Variants in FAM117B observed in about 807,000 individuals in gnomAD.
The protein encoded by FAM117B is protein FAM117B.
A neutral mutation model predicts 52.8 loss-of-function variants in FAM117B; 22 were observed. The observed-to-expected ratio is 0.42, with a 90% CI of 0.30 to 0.59. FAM117B has a LOEUF of 0.59. Among genes scored for constraint, FAM117B ranks in the 20% least tolerant of loss-of-function variants. FAM117B has a pLI of 0.22. For synonymous variants in FAM117B, 309 were observed against 324.1 expected (o/e 0.95, Z 0.50); for missense variants, 678 against 802.6 (o/e 0.84, Z 1.88).
At chr2:202,644,064 G>GTTTTTTTTTT (rs1161026426) in intron 1 of FAM117B, among the ~76,000 whole-genome samples, 78 of 95,158 alleles carry the variant, frequency 8.2e-4, no homozygotes, top group African/African-American at 1.0e-3. Context: ...TTTTTTTTTT[G>GTTTTTTTTTT]TTTTTTTTTT....
At chr2:202,684,911 A>G (rs537212864) in intron 1 of FAM117B, among the ~76,000 whole-genome samples, 1 of 152,316 alleles carries the variant, frequency 6.6e-6, no homozygotes, top group East Asian at 1.9e-4. Context: ...ACTACCATAA[A>G]TAACGAGAAT....
intron 4 of FAM117B, among the ~76,000 whole-genome samples, chr2:202,735,748 G>A (rs1349697134): frequency 6.6e-6 from 1 of 152,062 alleles, no homozygotes; most frequent in African/African-American, 2.4e-5. Context: ...TAATTTTGAG[G>A]TAAGAATTTT....
chr2:202,695,948 T>C lies in FAM117B; in HGVS notation c.669T>C (p.Thr223=). ...SIIRRTSSLD[T]LAAPYLAGHW... is the part of the protein sequence containing the mutation. ...TCCGACGCACTTCCTCCCTGGATACTCTTGCTGCACCGTATCTTGCTGGAC... is the reference window on the plus strand; with the variant it reads ...TCCGACGCACTTCCTCCCTGGATACCCTTGCTGCACCGTATCTTGCTGGAC... The change falls in exon 2 of 8, where the codon ACT becomes ACC. Residue 223 remains threonine (T), a synonymous_variant. Coordinates refer to ENST00000392238, the MANE Select transcript of FAM117B (RefSeq NM_173511.4). 1.2e-6 allele frequency: 2 copies of C among 1,614,154 alleles called. No homozygotes were observed. Among genetic ancestry groups the C allele is most frequent in the Non-Finnish European group, 1.7e-6 (2 of 1,179,998 alleles).
chr2:202,729,552 C>A (rs1159706794), intron 4 of FAM117B, among the ~76,000 whole-genome samples: 1 of 152,162 alleles, frequency 6.6e-6, no homozygotes, highest in African/African-American at 2.4e-5. Flanking sequence ...GAAATATTGT[C>A]TGTCCTTACC....
intron 4 of FAM117B, among the ~76,000 whole-genome samples, chr2:202,755,012 C>T (rs1691781075): frequency 1.3e-5 from 2 of 150,824 alleles, no homozygotes; most frequent in African/African-American, 4.9e-5. Context: ...TGGTGGAAGG[C>T]AAAGGGGGAA....
chr2:202,673,484 G>T (rs904316185), intron 1 of FAM117B, among the ~76,000 whole-genome samples: 1 of 92,166 alleles, frequency 1.1e-5, no homozygotes, highest in South Asian at 3.7e-4. Context: ...GTCTTGCTCT[G>T]TCGTCCAGGC....
intron 2 of FAM117B, among the ~76,000 whole-genome samples, chr2:202,704,916 A>G (rs1216961555): frequency 2.0e-5 from 3 of 152,082 alleles, no homozygotes; most frequent in African/African-American, 7.2e-5. Context: ...TTTTGAAATA[A>G]TTATGTATTA....
At chr2:202,754,678 G>C (rs1187886425) in intron 4 of FAM117B, among the ~76,000 whole-genome samples, 2 of 151,822 alleles carry the variant, frequency 1.3e-5, no homozygotes, top group African/African-American at 4.8e-5. Flanking sequence ...CACAAGGTCA[G>C]GAGTTTGAGA....
intron 4 of FAM117B, among the ~76,000 whole-genome samples, chr2:202,739,632 T>A (rs1409585350): frequency 6.6e-6 from 1 of 151,996 alleles, no homozygotes; most frequent in Non-Finnish European, 1.5e-5. Context: ...ATATTTAAAA[T>A]TTTTTATAGA....
intron 4 of FAM117B, among the ~76,000 whole-genome samples, chr2:202,736,162 A>C (rs1308828424): frequency 6.6e-6 from 1 of 152,244 alleles, no homozygotes; most frequent in Non-Finnish European, 1.5e-5. Flanking sequence ...GCCCTACACT[A>C]AAATCTTGGG....
intron 5 of FAM117B, among the ~76,000 whole-genome samples, chr2:202,756,930 T>G (rs916148083): frequency 6.6e-6 from 1 of 152,126 alleles, no homozygotes; most frequent in Non-Finnish European, 1.5e-5. Flanking sequence ...AAAATAACCC[T>G]TAGCACACGA....
chr2:202,730,526 T>C (rs1206478585), intron 4 of FAM117B, among the ~76,000 whole-genome samples: 1 of 151,904 alleles, frequency 6.6e-6, no homozygotes, highest in Non-Finnish European at 1.5e-5. Flanking sequence ...AAAAATAAGC[T>C]AGGCGTGGTG....
intron 2 of FAM117B, among the ~76,000 whole-genome samples, chr2:202,718,177 G>A (rs1047059437): frequency 2.0e-5 from 3 of 151,532 alleles, no homozygotes; most frequent in African/African-American, 7.3e-5. Flanking sequence ...CACCCTTCAG[G>A]GCAGTGGTTT....
Position 202,769,095 on chromosome 2 carries a change from A to C in FAM117B, c.*3331A>C, listed in dbSNP as rs1332382142. 6.6e-6 allele frequency: 1 copy of C among 152,162 alleles called. No homozygotes were observed. The highest frequency in any genetic ancestry group is 1.5e-5 in the Non-Finnish European group (1 of 68,028). 9.4% of individuals were successfully genotyped at this position (152,162 alleles called of 1,614,324 possible). On this transcript the variant is annotated 3_prime_UTR_variant, in exon 8 of 8. Coordinates refer to ENST00000392238, the MANE Select transcript of FAM117B (RefSeq NM_173511.4). ...TTATTCAATTTGTTTTATATTTCTT[A>C]TACTTAATACTTATGACTACAGTCC... is the stretch of plus-strand genomic sequence containing the variant.
In FAM117B at chr2:202,635,064, C is replaced by T. The variant is rs911805646; in HGVS notation, c.-124C>T. On this transcript the variant is annotated 5_prime_UTR_variant, in exon 1 of 8. Transcript: ENST00000392238. ...GCCCCGGCCCGGTCTCCCCCTGCAC[C>T]CCGGAGTCCGGCTTCGTCACCCCGT... 1 of 1,207,098 alleles carries T rather than the reference C, an allele frequency of 8.3e-7. No homozygotes were observed. Among genetic ancestry groups the T allele is most frequent in the South Asian group, 3.1e-5 (1 of 31,848 alleles). 74.8% of individuals were successfully genotyped at this position (1,207,098 alleles called of 1,614,324 possible).
At chr2:202,751,600 A>G (rs1691722775) in intron 4 of FAM117B, among the ~76,000 whole-genome samples, 1 of 151,984 alleles carries the variant, frequency 6.6e-6, no homozygotes, top group Non-Finnish European at 1.5e-5. Flanking sequence ...AAACCTCATC[A>G]TCTCTACTAA....
intron 1 of FAM117B, among the ~76,000 whole-genome samples, chr2:202,674,019 C>T (rs564996138): frequency 6.6e-6 from 1 of 152,018 alleles, no homozygotes; most frequent in African/African-American, 2.4e-5. Context: ...AAATGTTCCT[C>T]CCTGCACCCC....
intron 4 of FAM117B, among the ~76,000 whole-genome samples, chr2:202,732,976 G>A (rs1176942083): frequency 1.3e-5 from 2 of 151,702 alleles, no homozygotes; most frequent in African/African-American, 2.4e-5. Context: ...GACTGGTATC[G>A]GGGGAACCGC....
chr2:202,662,121 TGTG>T (rs1229879594), intron 1 of FAM117B, among the ~76,000 whole-genome samples: 2 of 127,956 alleles, frequency 1.6e-5, no homozygotes, highest in Non-Finnish European at 3.0e-5. Flanking sequence ...GTGAGGTAGG[TGTG>T]TGTGTGTGTG....
Sources: gnomAD v4.1 joint callset for allele counts (sites outside exome capture counted in the v4.1 genomes callset) on GRCh38, gnomAD v4.1.1 for gene constraint, MANE v1.5 for transcripts, NCBI Gene and HGNC (gene_info 2026-07-23, HGNC 2026-07-21) for gene names.